Variants in WDFY4 observed in about 807,000 individuals in gnomAD.
WDFY4 encodes WD repeat- and FYVE domain-containing protein 4.
WDFY4 carries 169 observed loss-of-function variants against 351.9 expected under a neutral mutation model. The observed-to-expected ratio is 0.48, with a 90% CI of 0.42 to 0.55. WDFY4 has a LOEUF of 0.55. Among genes scored for constraint, WDFY4 ranks in the 20% least tolerant of loss-of-function variants. The pLI is 0.00. For synonymous variants in WDFY4, 1,622 were observed against 1,574.6 expected (o/e 1.03, Z -0.71); for missense variants, 3,803 against 3,935.6 (o/e 0.97, Z 0.90).
At chr10:48,756,192 G>T (rs1169730526) in intron 12 of WDFY4, among the ~76,000 whole-genome samples, 1 of 151,934 alleles carries the variant, frequency 6.6e-6, no homozygotes, top group African/African-American at 2.4e-5. Flanking sequence ...TTAGGTCTTT[G>T]ATTCTTTCAT....
chr10:48,806,219 T>A, intron 27 of WDFY4, 124 bp downstream of exon 27: 1 of 906,752 alleles, frequency 1.1e-6, no homozygotes, highest in Admixed American at 2.1e-5. Flanking sequence ...CAAGCCGTGG[T>A]TTCCAAGCCG....
At chr10:48,773,290 C>T (rs138607469) in intron 13 of WDFY4, among the ~76,000 whole-genome samples, 45 of 152,290 alleles carry the variant, frequency 3.0e-4, no homozygotes, top group African/African-American at 1.1e-3. Context: ...AGGAGATCTG[C>T]ATGGAGCACA....
chr10:48,747,911 T>C (rs2065062488), intron 12 of WDFY4, among the ~76,000 whole-genome samples: 2 of 152,242 alleles, frequency 1.3e-5, no homozygotes, highest in Admixed American at 1.3e-4. Context: ...ATAGAAACCA[T>C]CCTCATTCAG....
intron 43 of WDFY4, chr10:48,884,334 T>C (rs1385951673): frequency 2.0e-5 from 3 of 152,204 alleles, no homozygotes; most frequent in African/African-American, 4.8e-5. Flanking sequence ...TGAATCTCCA[T>C]GACTTTCTGA....
Position 48,970,251 on chromosome 10 carries a change from A to G in WDFY4, c.8890A>G (p.Met2964Val). The change falls in exon 57 of 62, where the codon ATG becomes GTG. Residue 2964 changes from methionine (M) to valine (V), a missense_variant. Met to Val is a conservative substitution (Grantham distance 21). This residue lies in a region of WDFY4 where 3,054 missense variants were observed against 3,148.6 expected (regional missense o/e 0.97). Transcript: ENST00000325239. ...STVVCVWELS[M>V]TKGRPRGLRL... Reference sequence around the variant, plus strand: ...TGTGGTGTGTGTGTGGGAGCTCAGCATGACCAAAGGCCGCCCGAGGGGCTT... The same window carrying G: ...TGTGGTGTGTGTGTGGGAGCTCAGCGTGACCAAAGGCCGCCCGAGGGGCTT... The G allele has an allele frequency of 6.4e-7, 1 of 1,551,618 alleles. No individual in the cohort carries two copies. The highest frequency in any genetic ancestry group is 8.7e-7 in the Non-Finnish European group (1 of 1,146,986).
chr10:48,723,158 CCT>C (rs1260862931), intron 4 of WDFY4, among the ~76,000 whole-genome samples: 10 of 150,722 alleles, frequency 6.6e-5, no homozygotes, highest in African/African-American at 4.9e-5. Flanking sequence ...TCCCTCCCTC[CCT>C]CTCTCCCTCC....
At chr10:48,702,123 C>T (rs1170403056) in intron 1 of WDFY4, among the ~76,000 whole-genome samples, 1 of 152,186 alleles carries the variant, frequency 6.6e-6, no homozygotes, top group Non-Finnish European at 1.5e-5. Context: ...ACTCCTCCTC[C>T]TGAAAGCTTA....
chr10:48,762,820 T>G (rs1001538096), intron 13 of WDFY4, among the ~76,000 whole-genome samples: 3 of 152,206 alleles, frequency 2.0e-5, no homozygotes, highest in Non-Finnish European at 4.4e-5. Flanking sequence ...AAGCAGAAGC[T>G]GCCAGGCCTG....
At chr10:48,848,214 T>A (rs922908265) in intron 39 of WDFY4, among the ~76,000 whole-genome samples, 1 of 152,324 alleles carries the variant, frequency 6.6e-6, no homozygotes, top group Admixed American at 6.5e-5. Context: ...AGCCAGCATT[T>A]TCTGGGCTCA....
Position 48,796,343 on chromosome 10 carries a change from C to A in WDFY4, c.4303C>A (p.Arg1435=). 1.3e-6 allele frequency: 2 copies of A among 1,552,364 alleles called. No homozygotes were observed. The highest frequency in any genetic ancestry group is 1.7e-6 in the Non-Finnish European group (2 of 1,147,134). ...GAAGAAGGCCTCTCTCCTGAACCATCGAATTTTTCAGCTGATCCTCTCAGT... is the reference window on the plus strand; with the variant it reads ...GAAGAAGGCCTCTCTCCTGAACCATAGAATTTTTCAGCTGATCCTCTCAGT... ...LRKKASLLNH[R]IFQLILSVAG... The change falls in exon 24 of 62, where the codon CGA becomes AGA. Residue 1435 remains arginine, a synonymous_variant. Transcript: ENST00000325239.
At chr10:48,828,961 A>T (rs1354272163) in intron 37 of WDFY4, 65 bp downstream of exon 37, 7 of 748,938 alleles carry the variant, frequency 9.3e-6, no homozygotes, top group Non-Finnish European at 1.3e-5. Context: ...GTGGCAGGAT[A>T]GTGGTACCTG....
chr10:48,904,793 C>T (rs774661647), intron 47 of WDFY4, among the ~76,000 whole-genome samples: 24 of 152,200 alleles, frequency 1.6e-4, no homozygotes, highest in Non-Finnish European at 2.4e-4. Context: ...TTGGCTGGAT[C>T]GGAGGGATGT....
At chr10:48,905,698 ACCCCGCAGAGTGCTGAC>A (rs1291273824) in intron 47 of WDFY4, among the ~76,000 whole-genome samples, 1 of 152,110 alleles carries the variant, frequency 6.6e-6, no homozygotes, top group Non-Finnish European at 1.5e-5. Flanking sequence ...AAATGCGGAC[ACCCCGCAGAGTGCTGAC>A]CCTCGGCTCT....
At chr10:48,814,281 G>A (rs1286982210) in intron 31 of WDFY4, among the ~76,000 whole-genome samples, 199 bp downstream of exon 31, 1 of 152,236 alleles carries the variant, frequency 6.6e-6, no homozygotes, top group African/African-American at 2.4e-5. Flanking sequence ...TGAGCTTTAT[G>A]TGCTCTTGCA....
chr10:48,912,629 CTGAGTAAGG>C (rs1838110847), intron 47 of WDFY4, among the ~76,000 whole-genome samples: 2 of 152,224 alleles, frequency 1.3e-5, no homozygotes, highest in African/African-American at 4.8e-5. Flanking sequence ...TAGCATGGTG[CTGAGTAAGG>C]TGTTGATTTA....
chr10:48,775,483 T>G (rs564836466), intron 14 of WDFY4, among the ~76,000 whole-genome samples: 18 of 152,336 alleles, frequency 1.2e-4, no homozygotes, highest in African/African-American at 4.3e-4. Context: ...TGTGACATTA[T>G]TTTTTGTTAT....
At chr10:48,734,084 C>A in intron 10 of WDFY4, 49 bp downstream of exon 10, 1 of 1,481,326 alleles carries the variant, frequency 6.8e-7, no homozygotes, top group Non-Finnish European at 9.2e-7. Context: ...AAAACATGAA[C>A]TCTTTCCTGG....
chr10:48,701,468 A>G (rs1435209383), intron 1 of WDFY4, among the ~76,000 whole-genome samples: 4 of 152,248 alleles, frequency 2.6e-5, no homozygotes, highest in Non-Finnish European at 4.4e-5. Flanking sequence ...TAGTTCAACC[A>G]GTTTGATGTA....
chr10:48,690,575 G>T lies in WDFY4; in HGVS notation c.-18+5574G>T, dbSNP rs564338815. ...GGTAGCTTCTCTCTATAGGCAGGTT[G>T]TCCTGATGAGCACTCAGCTCTCAGC... is the stretch of plus-strand genomic sequence containing the variant. On this transcript the variant is annotated intron_variant, in intron 1 of 61. Transcript: ENST00000325239. Among the ~76,000 whole-genome samples the T allele has an allele frequency of 2.8e-4, 42 of 152,304 alleles. No homozygotes were observed. In the South Asian group the frequency reaches 6.2e-3, roughly 23 times the overall value.
Sources: allele counts gnomAD v4.1 joint callset (sites outside exome capture counted in the v4.1 genomes callset), GRCh38; gene constraint gnomAD v4.1.1; regional missense constraint gnomAD v4.1.1; transcripts MANE v1.5; gene names NCBI Gene and HGNC (gene_info 2026-07-23, HGNC 2026-07-21).